LMNTD1: variants seen among roughly 807,000 people sequenced by gnomAD.
The protein encoded by LMNTD1 is lamin tail domain-containing protein 1.
LMNTD1 carries 35 observed loss-of-function variants against 50.9 expected under a neutral mutation model. The observed-to-expected ratio is 0.69, with a 90% confidence interval of 0.53 to 0.91. The LOEUF (loss-of-function observed/expected upper bound fraction) is 0.91. Ranked by LOEUF, LMNTD1 falls within the 40% of genes least tolerant of loss-of-function variation. LMNTD1 has a pLI of 0.00. For synonymous variants in LMNTD1, 153 were observed against 161.9 expected (o/e 0.94, Z 0.42); for missense variants, 470 against 475.5 (o/e 0.99, Z 0.11).
intron 1 of LMNTD1, among the ~76,000 whole-genome samples, chr12:25,600,898 CAAG>C (rs1945952909): frequency 6.6e-6 from 1 of 151,912 alleles, no homozygotes; most frequent in African/African-American, 2.4e-5. Context: ...GGAGATTCCT[CAAG>C]AAAACAAAAA....
At chr12:25,504,570 T>C (rs1204575328) in intron 8 of LMNTD1, among the ~76,000 whole-genome samples, 3 of 152,138 alleles carry the variant, frequency 2.0e-5, no homozygotes, top group Non-Finnish European at 4.4e-5. Context: ...ATGAGCTCCT[T>C]TGGAAAAAAA....
At chr12:25,611,278 G>A (rs1485048351) in intron 1 of LMNTD1, among the ~76,000 whole-genome samples, 1 of 152,162 alleles carries the variant, frequency 6.6e-6, no homozygotes, top group South Asian at 2.1e-4. Context: ...ATGAGGGCAA[G>A]GAGACCACGA....
chr12:25,601,777 T>G (rs1945983206), intron 1 of LMNTD1, among the ~76,000 whole-genome samples: 1 of 151,948 alleles, frequency 6.6e-6, no homozygotes, highest in Admixed American at 6.6e-5. Context: ...TTCTTTGACT[T>G]ATTTATTAAT....
chr12:25,530,445 G>A (rs1942142588), intron 4 of LMNTD1, among the ~76,000 whole-genome samples: 1 of 152,052 alleles, frequency 6.6e-6, no homozygotes, highest in Admixed American at 6.6e-5. Context: ...GAACAGCTTT[G>A]TTTGTATGTA....
In LMNTD1 at chr12:25,644,311, T is replaced by C. The variant is rs1473575288; in HGVS notation, c.58+4183A>G. Among the ~76,000 whole-genome samples the C allele has an allele frequency of 8.3e-4, 9 of 10,860 alleles. No homozygotes were observed. The South Asian group carries it at 0.018, about 21-fold the overall frequency. The allele number at this position is 10,860 out of a possible 152,430, so 7.1% of individuals were successfully genotyped here. A position where few individuals can be genotyped will look rare whatever the true frequency, so the allele number is the denominator to read the frequency against. On this transcript the variant is annotated intron_variant, in intron 1 of 7. Coordinates refer to the LMNTD1 transcript ENST00000445693. ...GGCAACATAGTGATATCCCTTTCTC[T>C]ACAAAAAAAAAAAAAAAAAAAAAAT...
At chr12:25,607,157 TTATGTGG>T (rs1434799795) in intron 1 of LMNTD1, among the ~76,000 whole-genome samples, 34 of 152,204 alleles carry the variant, frequency 2.2e-4, no homozygotes, top group Non-Finnish European at 4.7e-4. Context: ...TAGTTTGTAT[TTATGTGG>T]GATTGGTGGC....
chr12:25,611,071 A>C (rs760195553), intron 1 of LMNTD1, among the ~76,000 whole-genome samples: 1 of 152,208 alleles, frequency 6.6e-6, no homozygotes, highest in Non-Finnish European at 1.5e-5. Context: ...GAGAACGAAG[A>C]GAACCAGTAT....
chr12:25,542,692 G>T (rs913872426), intron 4 of LMNTD1, among the ~76,000 whole-genome samples: 2 of 149,708 alleles, frequency 1.3e-5, no homozygotes, highest in African/African-American at 4.9e-5. Flanking sequence ...TGCACAATGT[G>T]CACATGTACC....
chr12:25,493,975 G>A (rs1938975757), intron 9 of LMNTD1, among the ~76,000 whole-genome samples: 1 of 152,192 alleles, frequency 6.6e-6, no homozygotes, highest in African/African-American at 2.4e-5. Context: ...TTGTGGACAG[G>A]AATGTGCTGT....
intron 8 of LMNTD1, among the ~76,000 whole-genome samples, chr12:25,515,215 A>G (rs999721602): frequency 5.3e-5 from 8 of 151,958 alleles, no homozygotes; most frequent in Non-Finnish European, 1.2e-4. Flanking sequence ...AAAGAAAATT[A>G]AAATATTTAA....
At chr12:25,640,670 T>C (rs924468314) in intron 1 of LMNTD1, among the ~76,000 whole-genome samples, 11 of 151,678 alleles carry the variant, frequency 7.3e-5, no homozygotes, top group Admixed American at 6.6e-4. Flanking sequence ...GGTTTTTTGT[T>C]TTTTTTTTGA....
intron 8 of LMNTD1, among the ~76,000 whole-genome samples, chr12:25,516,322 T>C (rs1479345531): frequency 2.0e-5 from 3 of 152,168 alleles, no homozygotes; most frequent in African/African-American, 7.2e-5. Flanking sequence ...GCACATACGG[T>C]GAAGTGCTTT....
At chr12:25,498,484 G>C (rs1939190260) in intron 9 of LMNTD1, among the ~76,000 whole-genome samples, 1 of 152,146 alleles carries the variant, frequency 6.6e-6, no homozygotes, top group South Asian at 2.1e-4. Flanking sequence ...GATTCCAACT[G>C]TAGAGAATCA....
chr12:25,539,844 A>G (rs1942922323), intron 4 of LMNTD1, among the ~76,000 whole-genome samples: 1 of 149,500 alleles, frequency 6.7e-6, no homozygotes, highest in African/African-American at 2.5e-5. Flanking sequence ...TAATAAAGAA[A>G]AAAAGAGAGA....
At chr12:25,589,826 G>T (rs1945642324) in intron 1 of LMNTD1, among the ~76,000 whole-genome samples, 1 of 151,962 alleles carries the variant, frequency 6.6e-6, no homozygotes, top group South Asian at 2.1e-4. Context: ...TCATTGTGTA[G>T]ATCTCTTAGA....
At chr12:25,564,601 A>G (rs1944476537) in intron 1 of LMNTD1, among the ~76,000 whole-genome samples, 1 of 152,120 alleles carries the variant, frequency 6.6e-6, no homozygotes, top group Non-Finnish European at 1.5e-5. Flanking sequence ...GATGCTAGAC[A>G]TTATTTCAAT....
At chr12:25,644,478 C>CAACA (rs1947022777) in intron 1 of LMNTD1, among the ~76,000 whole-genome samples, 1 of 151,778 alleles carries the variant, frequency 6.6e-6, no homozygotes, top group African/African-American at 2.4e-5. Flanking sequence ...CCTGTCTCAA[C>CAACA]AACAAACAAA....
chr12:25,622,644 TTACTC>T (rs1946500491), intron 1 of LMNTD1, among the ~76,000 whole-genome samples: 1 of 152,130 alleles, frequency 6.6e-6, no homozygotes, highest in South Asian at 2.1e-4. Context: ...TAGTAAGCCT[TTACTC>T]TATGCCAGTC....
chr12:25,637,208 G>A (rs1315273785), intron 1 of LMNTD1, among the ~76,000 whole-genome samples: 1 of 152,062 alleles, frequency 6.6e-6, no homozygotes, highest in Non-Finnish European at 1.5e-5. Context: ...AAAGAAACAG[G>A]AAAAGGTCAC....
Sources: gnomAD v4.1 joint callset for allele counts (sites outside exome capture counted in the v4.1 genomes callset) on GRCh38, gnomAD v4.1.1 for gene constraint, MANE v1.5 for transcripts, NCBI Gene and HGNC (gene_info 2026-07-23, HGNC 2026-07-21) for gene names.